PALS1: variants seen among roughly 807,000 people sequenced by gnomAD.
PALS1 encodes protein associated with LIN7 1, MAGUK p55 family member.
In PALS1, 31 loss-of-function variants were observed where a neutral mutation model predicts 78.9. That is an observed-to-expected ratio of 0.39 (90% CI 0.30 to 0.53). The LOEUF is 0.53. Among genes scored for constraint, PALS1 ranks in the 20% least tolerant of loss-of-function variants. The probability of loss-of-function intolerance (pLI) is 0.67; values close to 1 mark genes in which losing one functional copy is unlikely to be tolerated. For missense variants in PALS1, 704 were observed against 826.5 expected (o/e 0.85, Z 1.82); for synonymous variants, 276 against 270.9 (o/e 1.02, Z -0.18).
At chr14:67,267,292 CTT>C (rs2084343742) in intron 1 of PALS1, among the ~76,000 whole-genome samples, 2 of 152,026 alleles carry the variant, frequency 1.3e-5, no homozygotes, top group South Asian at 2.1e-4. Context: ...GAATTTCACT[CTT>C]GTCGCCCAGG....
intron 4 of PALS1, among the ~76,000 whole-genome samples, chr14:67,299,386 T>C (rs1448873193): frequency 2.0e-5 from 3 of 152,172 alleles, no homozygotes; most frequent in African/African-American, 7.2e-5. Context: ...ATAATAAAAG[T>C]CCATTCTTTT....
At chr14:67,267,661 T>C (rs998100898) in intron 1 of PALS1, among the ~76,000 whole-genome samples, 3 of 152,252 alleles carry the variant, frequency 2.0e-5, no homozygotes, top group African/African-American at 7.2e-5. Context: ...TAAGTTTTAG[T>C]AAATTTATAT....
chr14:67,327,487 ATTTT>A (rs912300961), intron 14 of PALS1, among the ~76,000 whole-genome samples: 1 of 147,976 alleles, frequency 6.8e-6, no homozygotes, highest in Non-Finnish European at 1.5e-5. Flanking sequence ...TTTTTATTTT[ATTTT>A]TTTATTTTTT....
chr14:67,294,591 CCT>C (rs1225335819), intron 4 of PALS1: 1 of 151,744 alleles, frequency 6.6e-6, no homozygotes, highest in African/African-American at 2.4e-5. Flanking sequence ...CCTACGGAAA[CCT>C]CAAATTTTAA....
Position 67,328,088 on chromosome 14 carries a change from C to T in PALS1, c.1851+4276C>T, listed in dbSNP as rs544347635. Among the ~76,000 whole-genome samples the T allele has an allele frequency of 2.2e-3, 328 of 152,310 alleles. 1 individual carries two copies. The highest frequency in any genetic ancestry group is 3.7e-3 in the Non-Finnish European group (251 of 68,030). ...CTTCCACAATGGTTGAACTAGTTTA[C>T]GGTCCCACCAACAGTGTAAAAGTGT... is the stretch of plus-strand genomic sequence containing the variant. On this transcript the variant is annotated intron_variant, in intron 14 of 14. Coordinates refer to ENST00000261681, the MANE Select transcript of PALS1 (RefSeq NM_022474.4).
intron 13 of PALS1, among the ~76,000 whole-genome samples, 190 bp from the exon 14 acceptor site, chr14:67,323,512 T>C (rs1452950042): frequency 1.3e-5 from 2 of 151,408 alleles, no homozygotes; most frequent in Non-Finnish European, 2.9e-5. Context: ...CTACTGGGGA[T>C]GCTGAGATGA....
chr14:67,283,922 A>C (rs900187507), intron 3 of PALS1, among the ~76,000 whole-genome samples: 4 of 152,210 alleles, frequency 2.6e-5, no homozygotes, highest in African/African-American at 9.7e-5. Context: ...CGGCACATTC[A>C]GAAATGTATG....
chr14:67,318,582 G>A (rs1454910843), intron 11 of PALS1, among the ~76,000 whole-genome samples: 1 of 152,088 alleles, frequency 6.6e-6, no homozygotes, highest in African/African-American at 2.4e-5. Flanking sequence ...AATAAACTCA[G>A]ATTTTTCAGA....
chr14:67,252,269 A>G (rs2084076659), intron 1 of PALS1, among the ~76,000 whole-genome samples: 1 of 152,136 alleles, frequency 6.6e-6, no homozygotes, highest in Non-Finnish European at 1.5e-5. Context: ...AGCTCACTGC[A>G]GCCTTCAACT....
chr14:67,265,257 A>G (rs146183497), intron 1 of PALS1, among the ~76,000 whole-genome samples: 3 of 152,320 alleles, frequency 2.0e-5, no homozygotes, highest in Admixed American at 2.0e-4. Context: ...AGGGTGTTCT[A>G]CTAAACAGTA....
chr14:67,283,337 T>C (rs931203636), intron 3 of PALS1, among the ~76,000 whole-genome samples: 1 of 152,204 alleles, frequency 6.6e-6, no homozygotes, highest in African/African-American at 2.4e-5. Context: ...GTAAAATAGC[T>C]CTTTCAGATT....
At chr14:67,280,857 C>CCTTCCTTCCTTCCTTCCTTCCT (rs1567518348) in intron 3 of PALS1, among the ~76,000 whole-genome samples, 1 of 53,250 alleles carries the variant, frequency 1.9e-5, no homozygotes, top group Non-Finnish European at 4.2e-5. Context: ...CCTTCCTTCC[C>CCTTCCTTCCTTCCTTCCTTCCT]TCCCTCCCTC....
At chr14:67,304,767 A>C (rs1404463639) in intron 8 of PALS1, among the ~76,000 whole-genome samples, 3 of 152,198 alleles carry the variant, frequency 2.0e-5, no homozygotes, top group Non-Finnish European at 4.4e-5. Context: ...AATTGTGTAC[A>C]TGAGTGAATT....
intron 4 of PALS1, among the ~76,000 whole-genome samples, chr14:67,299,954 T>C (rs1021169246): frequency 1.3e-5 from 2 of 152,194 alleles, no homozygotes; most frequent in Non-Finnish European, 2.9e-5. Flanking sequence ...TTAAAATTAA[T>C]GTAGACTTAA....
chr14:67,308,998 T>C (rs920700254), intron 8 of PALS1, among the ~76,000 whole-genome samples: 2 of 152,024 alleles, frequency 1.3e-5, no homozygotes, highest in Non-Finnish European at 2.9e-5. Flanking sequence ...GAACAGCTTA[T>C]AGATATTAAA....
At chr14:67,324,780 C>T (rs2085324632) in intron 14 of PALS1, among the ~76,000 whole-genome samples, 1 of 151,484 alleles carries the variant, frequency 6.6e-6, no homozygotes. Context: ...GAGACAGGGT[C>T]TCGCTATGTT....
At chr14:67,323,616 A>ATATATATATATATTAGAT (rs2085302590) in intron 13 of PALS1, 86 bp from the exon 14 acceptor site, 2 of 133,638 alleles carry the variant, frequency 1.5e-5, no homozygotes, top group Non-Finnish European at 1.3e-5. Context: ...CCTTAATCTA[A>ATATATATATATATTAGAT]TATATATATA....
intron 4 of PALS1, among the ~76,000 whole-genome samples, chr14:67,293,573 T>A (rs1373902372): frequency 6.6e-6 from 1 of 152,174 alleles, no homozygotes; most frequent in Non-Finnish European, 1.5e-5. Flanking sequence ...TATTTACTTA[T>A]GGTTTAAATG....
At chr14:67,317,524 G>A (rs1314595550) in intron 11 of PALS1, 45 bp downstream of exon 11, 11 of 1,350,540 alleles carry the variant, frequency 8.1e-6, no homozygotes, top group Non-Finnish European at 1.1e-5. Flanking sequence ...TCTGAAAGGA[G>A]TCTAAACCTA....
Sources: allele counts gnomAD v4.1 joint callset (sites outside exome capture counted in the v4.1 genomes callset), GRCh38; gene constraint gnomAD v4.1.1; transcripts MANE v1.5; gene names NCBI Gene and HGNC (gene_info 2026-07-23, HGNC 2026-07-21).